CSMD3: variants seen among roughly 807,000 people sequenced by gnomAD.
The protein encoded by CSMD3 is CUB and Sushi multiple domains 3.
In CSMD3, 177 loss-of-function variants were observed where a neutral mutation model predicts 435.2. The observed-to-expected ratio is 0.41, with a 90% confidence interval of 0.36 to 0.46. CSMD3 has a LOEUF of 0.46. Ranked by LOEUF, CSMD3 falls within the 20% of genes least tolerant of loss-of-function variation. The pLI is 0.34. For missense variants in CSMD3, 4,265 were observed against 4,504.6 expected, an observed-to-expected ratio of 0.95 and a Z score of 1.52; for synonymous variants, 1,656 against 1,520.5, an observed-to-expected ratio of 1.09 and a Z score of -2.07.
chr8:112,662,493 C>T (rs1299553768), intron 17 of CSMD3, among the ~76,000 whole-genome samples: 1 of 151,858 alleles, frequency 6.6e-6, no homozygotes, highest in Non-Finnish European at 1.5e-5. Flanking sequence ...AAACTGGATC[C>T]CTTCCTTACA....
intron 1 of CSMD3, among the ~76,000 whole-genome samples, chr8:113,336,556 T>C (rs1398487733): frequency 6.6e-6 from 1 of 152,132 alleles, no homozygotes; most frequent in Non-Finnish European, 1.5e-5. Context: ...ACATTTTCAG[T>C]GTATGAGTCT....
chr8:113,393,977 G>A (rs1241063272), intron 1 of CSMD3, among the ~76,000 whole-genome samples: 2 of 151,910 alleles, frequency 1.3e-5, no homozygotes, highest in Admixed American at 6.6e-5. Context: ...ACACCTATAT[G>A]CTTAATTTTA....
chr8:112,665,487 G>A (rs2075499303), intron 17 of CSMD3, among the ~76,000 whole-genome samples: 1 of 152,102 alleles, frequency 6.6e-6, no homozygotes, highest in Non-Finnish European at 1.5e-5. Flanking sequence ...AAAGAATCAT[G>A]TTAGGTTTGT....
At chr8:112,814,314 A>T (rs571038348) in intron 12 of CSMD3, among the ~76,000 whole-genome samples, 1 of 152,178 alleles carries the variant, frequency 6.6e-6, no homozygotes, top group Non-Finnish European at 1.5e-5. Context: ...CATTGTATTG[A>T]AAAAGGGTGT....
intron 24 of CSMD3, among the ~76,000 whole-genome samples, chr8:112,563,897 C>T (rs751573526): frequency 6.6e-6 from 1 of 151,860 alleles, no homozygotes; most frequent in Non-Finnish European, 1.5e-5. Flanking sequence ...AATGTGCAGA[C>T]GTTGTAACAA....
At chr8:112,334,547 C>T (rs755252456) in intron 45 of CSMD3, among the ~76,000 whole-genome samples, 1 of 151,960 alleles carries the variant, frequency 6.6e-6, no homozygotes, top group Admixed American at 6.6e-5. Flanking sequence ...ATTAGTCTGA[C>T]AAAGTTATAT....
chr8:113,230,672 G>C (rs1444237383), intron 3 of CSMD3, among the ~76,000 whole-genome samples: 1 of 151,410 alleles, frequency 6.6e-6, no homozygotes, highest in East Asian at 1.9e-4. Flanking sequence ...AGCATCCCCT[G>C]TTATTAATGT....
intron 1 of CSMD3, among the ~76,000 whole-genome samples, chr8:113,337,107 G>C (rs761293390): frequency 1.3e-5 from 2 of 152,074 alleles, no homozygotes; most frequent in Non-Finnish European, 2.9e-5. Flanking sequence ...TTTTGTGACT[G>C]TGTCTGTCAT....
intron 35 of CSMD3, among the ~76,000 whole-genome samples, chr8:112,398,918 CTCTT>C (rs1366263555): frequency 1.3e-5 from 2 of 150,914 alleles, no homozygotes; most frequent in Non-Finnish European, 2.9e-5. Context: ...CTTGATTAAA[CTCTT>C]TTTTTTTTTT....
At chr8:112,814,245 G>T (rs928541216) in intron 12 of CSMD3, among the ~76,000 whole-genome samples, 3 of 152,180 alleles carry the variant, frequency 2.0e-5, no homozygotes, top group Non-Finnish European at 2.9e-5. Flanking sequence ...TAGAGGAACA[G>T]AAGTTAAAAT....
chr8:112,759,893 T>C (rs1241674307), intron 13 of CSMD3, among the ~76,000 whole-genome samples: 1 of 152,074 alleles, frequency 6.6e-6, no homozygotes, highest in East Asian at 1.9e-4. Context: ...GTTGTGGGTG[T>C]CAGGCACTTT....
At chr8:112,870,466 C>T (rs551131389) in intron 10 of CSMD3, among the ~76,000 whole-genome samples, 11 of 151,054 alleles carry the variant, frequency 7.3e-5, no homozygotes, top group Non-Finnish European at 8.9e-5. Flanking sequence ...TTAGTAGAGA[C>T]GGGGTTTCAC....
intron 27 of CSMD3, among the ~76,000 whole-genome samples, chr8:112,519,253 A>T (rs1400736419): frequency 1.3e-5 from 2 of 152,184 alleles, no homozygotes; most frequent in Non-Finnish European, 2.9e-5. Flanking sequence ...CCTTAACATA[A>T]ATATGCAAAG....
chr8:113,389,911 C>T (rs1301311970), intron 1 of CSMD3, among the ~76,000 whole-genome samples: 4 of 151,878 alleles, frequency 2.6e-5, no homozygotes, highest in Middle Eastern at 3.4e-3. Flanking sequence ...TACTATATAG[C>T]ATTTAGCATA....
intron 27 of CSMD3, among the ~76,000 whole-genome samples, chr8:112,544,722 T>C (rs944994227): frequency 2.6e-5 from 4 of 152,216 alleles, no homozygotes; most frequent in Non-Finnish European, 5.9e-5. Flanking sequence ...CAAGGATTGG[T>C]TTTTGTAGAA....
intron 9 of CSMD3, among the ~76,000 whole-genome samples, chr8:112,935,530 C>A (rs1324688837): frequency 4.6e-5 from 7 of 151,844 alleles, no homozygotes; most frequent in Non-Finnish European, 1.0e-4. Context: ...CATGGGATAT[C>A]TTTCTATTTA....
At position 112,265,340 on chromosome 8, in the gene CSMD3, A is replaced by C. The variant is rs1187261157; in HGVS notation, c.9688+71T>G. The stretch of plus-strand genomic sequence containing the variant: ...AAAAATTTTATTTAAGTATACTTTA[A>C]ATTTGTATATAAAAATAAGAAAATA... On this transcript the variant is annotated intron_variant, in intron 60 of 70. Coordinates refer to ENST00000297405, the MANE Select transcript of CSMD3 (RefSeq NM_198123.2). The C allele has an allele frequency of 6.0e-6, 7 of 1,176,400 alleles. No individual in the cohort carries two copies. The Admixed American group carries it at 1.5e-4, about 24-fold the overall frequency. 72.9% of individuals were successfully genotyped at this position (1,176,400 alleles called of 1,614,324 possible). A position where few individuals can be genotyped will look rare whatever the true frequency, so the allele number is the denominator to read the frequency against.
intron 48 of CSMD3, 111 bp downstream of exon 48, chr8:112,314,318 T>G: frequency 1.2e-6 from 1 of 834,456 alleles, no homozygotes; most frequent in Non-Finnish European, 2.0e-6. Context: ...CTTCTAAAAA[T>G]ATCTGTAAGA....
chr8:113,268,255 T>C (rs2093488851), intron 3 of CSMD3, among the ~76,000 whole-genome samples: 1 of 151,904 alleles, frequency 6.6e-6, no homozygotes, highest in Non-Finnish European at 1.5e-5. Context: ...AGAACACATA[T>C]CTCATCAATT....
Sources: gnomAD v4.1 joint callset for allele counts (sites outside exome capture counted in the v4.1 genomes callset) on GRCh38, gnomAD v4.1.1 for gene constraint, MANE v1.5 for transcripts, NCBI Gene and HGNC (gene_info 2026-07-23, HGNC 2026-07-21) for gene names.